PRKG1: variants seen among roughly 807,000 people sequenced by gnomAD.
PRKG1 encodes protein kinase cGMP-dependent 1.
Under a neutral mutation model 88.1 loss-of-function variants are expected in PRKG1, and 35 were observed. That is an observed-to-expected ratio of 0.40 (90% CI 0.30 to 0.53). The LOEUF is 0.53. Among genes scored for constraint, PRKG1 ranks in the 20% least tolerant of loss-of-function variants. The pLI, the probability that PRKG1 is intolerant of heterozygous loss-of-function variation, is 0.59. For synonymous variants in PRKG1, 303 were observed against 292.5 expected, an observed-to-expected ratio of 1.04 and a Z score of -0.37; for missense variants, 540 against 839.8, an observed-to-expected ratio of 0.64 and a Z score of 4.41.
At chr10:52,156,647 C>T (rs1176424814) in intron 8 of PRKG1, among the ~76,000 whole-genome samples, 2 of 151,270 alleles carry the variant, frequency 1.3e-5, no homozygotes, top group East Asian at 1.9e-4. Context: ...TAGTATAAAC[C>T]GCTAAGAATT....
chr10:51,993,486 T>C (rs1844362886), intron 5 of PRKG1, among the ~76,000 whole-genome samples: 1 of 152,160 alleles, frequency 6.6e-6, no homozygotes, highest in South Asian at 2.1e-4. Context: ...ATCCTATGAG[T>C]AGGATTATTA....
At chr10:51,716,516 C>T (rs938590582) in intron 3 of PRKG1, among the ~76,000 whole-genome samples, 1 of 152,110 alleles carries the variant, frequency 6.6e-6, no homozygotes, top group African/African-American at 2.4e-5. Flanking sequence ...AATAAGTTCC[C>T]TGATCACTTA....
At chr10:51,127,945 C>G (rs181007295) in intron 1 of PRKG1, among the ~76,000 whole-genome samples, 1 of 152,052 alleles carries the variant, frequency 6.6e-6, no homozygotes, top group Non-Finnish European at 1.5e-5. Context: ...ATATCACACA[C>G]CGAAGCCTGT....
intron 5 of PRKG1, among the ~76,000 whole-genome samples, chr10:51,913,413 A>T (rs1047522333): frequency 2.6e-5 from 4 of 152,164 alleles, no homozygotes; most frequent in Non-Finnish European, 4.4e-5. Flanking sequence ...CCTCATTTTT[A>T]TGTCCATGTG....
chr10:51,128,900 G>A (rs1021406060), intron 1 of PRKG1, among the ~76,000 whole-genome samples: 1 of 152,128 alleles, frequency 6.6e-6, no homozygotes, highest in Non-Finnish European at 1.5e-5. Flanking sequence ...GTTTATGCCA[G>A]TACAATGAAA....
At chr10:51,009,193 T>C (rs1842967616) in intron 1 of PRKG1, among the ~76,000 whole-genome samples, 1 of 152,232 alleles carries the variant, frequency 6.6e-6, no homozygotes, top group Non-Finnish European at 1.5e-5. Flanking sequence ...TGGTAACTTG[T>C]TTCTTTAGGG....
intron 3 of PRKG1, among the ~76,000 whole-genome samples, chr10:51,753,493 AT>A (rs1024878829): frequency 7.2e-5 from 11 of 152,120 alleles, no homozygotes; most frequent in Non-Finnish European, 1.6e-4. Context: ...AACTAAGATG[AT>A]TTTTTTAATT....
rs138634005 is a variant in PRKG1 at position 51,762,140 on chromosome 10, C to A, written c.593-42445C>A. 1.2e-3 allele frequency among the ~76,000 whole-genome samples: 180 copies of A among 152,250 alleles called. 1 individual carries two copies. The highest frequency in any genetic ancestry group is 4.1e-3 in the African/African-American group (170 of 41,552). Reference sequence around the variant, plus strand: ...AACATGCTATTGACCCTCAGGGATTCAAATCCATGGTCCATGTGGTAGATG... The same window carrying A: ...AACATGCTATTGACCCTCAGGGATTAAAATCCATGGTCCATGTGGTAGATG... On this transcript the variant is annotated intron_variant, in intron 3 of 17. Transcript: ENST00000373980.
At chr10:51,888,738 G>A (rs1365000792) in intron 4 of PRKG1, among the ~76,000 whole-genome samples, 1 of 152,160 alleles carries the variant, frequency 6.6e-6, no homozygotes, top group South Asian at 2.1e-4. Context: ...ATACAGAACA[G>A]TGAAGTTACT....
chr10:51,018,954 G>A lies in PRKG1; in HGVS notation c.266+27310G>A, dbSNP rs562409568. 6.6e-5 allele frequency among the ~76,000 whole-genome samples: 10 copies of A among 152,238 alleles called. No individual in the cohort carries two copies. In the South Asian group the frequency reaches 2.1e-3, roughly 32 times the overall value. On this transcript the variant is annotated intron_variant, in intron 1 of 17. Coordinates refer to the PRKG1 transcript ENST00000401604. ...GTTACTTAGGAAATACATTTTATAG[G>A]ACAAGACACTTTTAAATAATGGGAT...
intron 1 of PRKG1, among the ~76,000 whole-genome samples, chr10:51,144,782 A>G (rs1378847671): frequency 2.0e-5 from 3 of 152,178 alleles, no homozygotes; most frequent in African/African-American, 7.2e-5. Flanking sequence ...CTGCCTTGTG[A>G]GACATGTAGG....
chr10:52,005,943 G>A (rs1272988880), intron 5 of PRKG1, among the ~76,000 whole-genome samples: 5 of 151,886 alleles, frequency 3.3e-5, no homozygotes, highest in Admixed American at 6.6e-5. Context: ...CCACAACACC[G>A]AGAAGAAGAA....
At chr10:51,011,054 C>T (rs1029470513) in intron 1 of PRKG1, among the ~76,000 whole-genome samples, 1 of 152,160 alleles carries the variant, frequency 6.6e-6, no homozygotes, top group Non-Finnish European at 1.5e-5. Flanking sequence ...GATCCTAGCA[C>T]ATCATAACTA....
At chr10:51,783,751 G>A (rs569422758) in intron 3 of PRKG1, among the ~76,000 whole-genome samples, 1 of 152,206 alleles carries the variant, frequency 6.6e-6, no homozygotes, top group South Asian at 2.1e-4. Context: ...TCTCAAGTTT[G>A]AGAACCGCTG....
intron 1 of PRKG1, among the ~76,000 whole-genome samples, chr10:51,129,790 C>T (rs901047597): frequency 5.3e-5 from 8 of 152,158 alleles, no homozygotes; most frequent in East Asian, 1.9e-4. Context: ...TCTCTTTTCT[C>T]ATTTGTGATG....
chr10:52,218,949 C>G (rs1462581575), intron 9 of PRKG1, among the ~76,000 whole-genome samples: 3 of 151,836 alleles, frequency 2.0e-5, no homozygotes, highest in African/African-American at 7.3e-5. Context: ...TGTGTTGAAC[C>G]AAAGCTAAAT....
chr10:51,377,813 C>A (rs1171892329), intron 2 of PRKG1, among the ~76,000 whole-genome samples: 1 of 152,226 alleles, frequency 6.6e-6, no homozygotes, highest in Non-Finnish European at 1.5e-5. Flanking sequence ...GCCACCTGTG[C>A]TTCATTGCCT....
At chr10:51,603,409 G>A (rs1838669303) in intron 3 of PRKG1, among the ~76,000 whole-genome samples, 2 of 152,166 alleles carry the variant, frequency 1.3e-5, no homozygotes, top group Non-Finnish European at 2.9e-5. Flanking sequence ...GTTCAAACAC[G>A]AAGTCAAATT....
intron 1 of PRKG1, among the ~76,000 whole-genome samples, chr10:51,045,054 A>T (rs1843469769): frequency 6.6e-6 from 1 of 152,176 alleles, no homozygotes; most frequent in African/African-American, 2.4e-5. Context: ...AAAGGTAGAC[A>T]TTTTTATTCT....
Sources: gnomAD v4.1 joint callset for allele counts (sites outside exome capture counted in the v4.1 genomes callset) on GRCh38, gnomAD v4.1.1 for gene constraint, MANE v1.5 for transcripts, NCBI Gene and HGNC (gene_info 2026-07-23, HGNC 2026-07-21) for gene names.